SGCZ: variants seen among roughly 807,000 people sequenced by gnomAD.
The protein encoded by SGCZ is zeta-sarcoglycan.
Under a neutral mutation model 41.3 loss-of-function variants are expected in SGCZ, and 40 were observed. The ratio of observed to expected loss-of-function variants is 0.97; its 90% CI spans 0.75 to 1.26. The LOEUF (loss-of-function observed/expected upper bound fraction) is 1.26, where lower values mean the gene tolerates loss of function less well. Among genes scored for constraint, SGCZ ranks in the 50% most tolerant of loss-of-function variants. The pLI, the probability that SGCZ is intolerant of heterozygous loss-of-function variation, is 0.00. For missense variants in SGCZ, 552 were observed against 369.8 expected (o/e 1.49, Z -4.04); for synonymous variants, 206 against 137.5 (o/e 1.50, Z -3.49).
chr8:14,514,825 GCACA>G (rs146945070), intron 2 of SGCZ, among the ~76,000 whole-genome samples: 9 of 135,678 alleles, frequency 6.6e-5, no homozygotes, highest in South Asian at 2.4e-4. Context: ...ATATATACAC[GCACA>G]CACACACACA....
intron 1 of SGCZ, among the ~76,000 whole-genome samples, chr8:14,806,193 A>G (rs1003556722): frequency 2.2e-4 from 33 of 152,186 alleles, no homozygotes; most frequent in African/African-American, 7.5e-4. Context: ...GAGCAAACAC[A>G]TTCAAAAGCT....
Position 14,308,259 on chromosome 8 carries a change from T to C in SGCZ, c.336+15844A>G, listed in dbSNP as rs11994996. 3.5e-3 allele frequency among the ~76,000 whole-genome samples: 529 copies of C among 152,190 alleles called. 6 individuals carry two copies. The highest frequency in any genetic ancestry group is 0.012 in the African/African-American group (506 of 41,532). On this transcript the variant is annotated intron_variant, in intron 3 of 7. Coordinates refer to ENST00000382080, the MANE Select transcript of SGCZ (RefSeq NM_139167.4). ...AAGGAAAATTAGAGGGAAACTATAA[T>C]GAAAGCGCACGGAAAGGTGAAGTCA...
intron 2 of SGCZ, among the ~76,000 whole-genome samples, chr8:14,373,294 C>A (rs753319135): frequency 6.6e-6 from 1 of 152,154 alleles, no homozygotes; most frequent in African/African-American, 2.4e-5. Flanking sequence ...GCATAATTAA[C>A]AGTTTCATTT....
chr8:15,002,439 T>C (rs1802460502), intron 1 of SGCZ, among the ~76,000 whole-genome samples: 1 of 152,114 alleles, frequency 6.6e-6, no homozygotes, highest in Admixed American at 6.5e-5. Context: ...CTTAATCCTA[T>C]ATAAAGGAGA....
chr8:14,394,592 T>C (rs988339019), intron 2 of SGCZ, among the ~76,000 whole-genome samples: 33 of 152,220 alleles, frequency 2.2e-4, no homozygotes, highest in African/African-American at 8.0e-4. Flanking sequence ...TTCTCATTCA[T>C]GCATTCATTC....
At chr8:15,087,822 A>C (rs1178878417) in intron 1 of SGCZ, among the ~76,000 whole-genome samples, 4 of 152,120 alleles carry the variant, frequency 2.6e-5, no homozygotes, top group African/African-American at 9.7e-5. Flanking sequence ...TCTGCAAATA[A>C]GCTATCATAA....
chr8:15,064,179 G>C (rs1805038851), intron 1 of SGCZ, among the ~76,000 whole-genome samples: 1 of 152,000 alleles, frequency 6.6e-6, no homozygotes, highest in Non-Finnish European at 1.5e-5. Flanking sequence ...CTGTACTTCT[G>C]TGCTCCAAAC....
At chr8:15,008,469 C>T (rs77384447) in intron 1 of SGCZ, among the ~76,000 whole-genome samples, 6,987 of 146,706 alleles carry the variant, frequency 0.048, 255 homozygotes, top group South Asian at 0.089. Flanking sequence ...CCAATACCTT[C>T]AACTGTGGAA....
At chr8:14,948,720 TC>T (rs1800534841) in intron 1 of SGCZ, among the ~76,000 whole-genome samples, 1 of 152,168 alleles carries the variant, frequency 6.6e-6, no homozygotes, top group African/African-American at 2.4e-5. Flanking sequence ...CAGCAACATT[TC>T]ACAAGACTAA....
chr8:14,738,530 G>A (rs996879797), intron 1 of SGCZ, among the ~76,000 whole-genome samples: 6 of 152,070 alleles, frequency 3.9e-5, no homozygotes, highest in African/African-American at 4.8e-5. Context: ...CTCAATAGGA[G>A]CAGTGTACCT....
chr8:14,645,478 T>TTATATTTATATATATATATATA (rs1046258520), intron 1 of SGCZ, among the ~76,000 whole-genome samples: 1 of 106,594 alleles, frequency 9.4e-6, no homozygotes, highest in Admixed American at 9.9e-5. Flanking sequence ...ATATATATAT[T>TTATATTTATATATATATATATA]TATATGTATA....
chr8:14,686,402 T>C (rs1000994003), intron 1 of SGCZ, among the ~76,000 whole-genome samples: 2 of 152,006 alleles, frequency 1.3e-5, no homozygotes, highest in Admixed American at 6.6e-5. Context: ...ACTCGAAACA[T>C]AGCAAGAACA....
chr8:14,115,776 C>T (rs1318897610), intron 5 of SGCZ, among the ~76,000 whole-genome samples: 1 of 151,758 alleles, frequency 6.6e-6, no homozygotes, highest in African/African-American at 2.4e-5. Context: ...ATCAGTTACA[C>T]CATAAACTGA....
intron 3 of SGCZ, among the ~76,000 whole-genome samples, chr8:14,272,218 G>A (rs946249964): frequency 6.6e-6 from 1 of 152,138 alleles, no homozygotes; most frequent in African/African-American, 2.4e-5. Context: ...TACCCAGGCT[G>A]GTCTCTAACT....
At chr8:15,129,884 C>T (rs1338214239) in intron 1 of SGCZ, among the ~76,000 whole-genome samples, 1 of 152,004 alleles carries the variant, frequency 6.6e-6, no homozygotes, top group East Asian at 1.9e-4. Flanking sequence ...GTCACCACCA[C>T]CGACAGCCTT....
intron 1 of SGCZ, among the ~76,000 whole-genome samples, chr8:15,129,253 T>C (rs1407824328): frequency 1.3e-5 from 2 of 152,156 alleles, no homozygotes; most frequent in African/African-American, 4.8e-5. Flanking sequence ...CGTCTATTAA[T>C]GTCCACACTT....
intron 3 of SGCZ, among the ~76,000 whole-genome samples, chr8:14,305,284 T>G (rs949260867): frequency 6.6e-6 from 1 of 152,144 alleles, no homozygotes; most frequent in African/African-American, 2.4e-5. Context: ...TGCCTTACAA[T>G]TAACATTAAT....
intron 1 of SGCZ, among the ~76,000 whole-genome samples, chr8:14,754,442 G>C (rs1163051312): frequency 6.6e-6 from 1 of 152,044 alleles, no homozygotes; most frequent in Non-Finnish European, 1.5e-5. Context: ...ATGTATATGT[G>C]TTATATAATA....
intron 1 of SGCZ, among the ~76,000 whole-genome samples, chr8:14,581,130 C>T (rs1440605419): frequency 6.6e-6 from 1 of 152,104 alleles, no homozygotes; most frequent in Non-Finnish European, 1.5e-5. Context: ...ATTTTTGAGA[C>T]AGTGTCTCGT....
Sources: gnomAD v4.1 joint callset for allele counts (sites outside exome capture counted in the v4.1 genomes callset) on GRCh38, gnomAD v4.1.1 for gene constraint, MANE v1.5 for transcripts, NCBI Gene and HGNC (gene_info 2026-07-23, HGNC 2026-07-21) for gene names.